The following MYT1L variants were observed in gnomAD, a reference collection of about 807,000 sequenced individuals.
MYT1L encodes the protein myelin transcription factor 1 like.
A neutral mutation model predicts 126.7 loss-of-function variants in MYT1L; 12 were observed. The observed-to-expected ratio is 0.09, with a 90% CI of 0.06 to 0.15. The LOEUF is 0.15. MYT1L is among the 10% of genes least tolerant of loss of function. MYT1L has a pLI of 1.00. For missense variants in MYT1L, 979 were observed against 1,585.2 expected, an observed-to-expected ratio of 0.62 and a Z score of 6.49; for synonymous variants, 541 against 604.2, an observed-to-expected ratio of 0.90 and a Z score of 1.53.
chr2:2,161,269 T>C (rs767361143), intron 3 of MYT1L, among the ~76,000 whole-genome samples: 5 of 152,170 alleles, frequency 3.3e-5, no homozygotes, highest in Non-Finnish European at 5.9e-5. Context: ...TGAGACCATA[T>C]GGGAAATGTG....
chr2:2,089,806 C>T (rs920391868), intron 3 of MYT1L, among the ~76,000 whole-genome samples: 4 of 152,170 alleles, frequency 2.6e-5, no homozygotes, highest in African/African-American at 9.7e-5. Flanking sequence ...TCTCTCCCCT[C>T]TCTATCTCCT....
intron 22 of MYT1L, among the ~76,000 whole-genome samples, chr2:1,805,652 G>A (rs573471296): frequency 2.0e-5 from 3 of 152,302 alleles, no homozygotes; most frequent in Admixed American, 6.5e-5. Flanking sequence ...TTGGGAGGCC[G>A]AGGGAGGTGG....
intron 2 of MYT1L, among the ~76,000 whole-genome samples, chr2:2,274,552 T>C (rs1559521450): frequency 6.6e-6 from 1 of 152,178 alleles, no homozygotes; most frequent in Non-Finnish European, 1.5e-5. Flanking sequence ...TGGAAGATTT[T>C]GTTTCAGGAG....
intron 1 of MYT1L, among the ~76,000 whole-genome samples, chr2:2,309,180 C>T (rs141306149): frequency 2.1e-3 from 315 of 151,970 alleles, no homozygotes; most frequent in African/African-American, 7.0e-3. Flanking sequence ...CCATACTCCA[C>T]CTACACTTAG....
At chr2:2,311,837 A>C (rs2149608828) in intron 1 of MYT1L, among the ~76,000 whole-genome samples, 1 of 152,314 alleles carries the variant, frequency 6.6e-6, no homozygotes, top group Non-Finnish European at 1.5e-5. Context: ...CTGGAACATA[A>C]ATGAGGTAGT....
intron 19 of MYT1L, among the ~76,000 whole-genome samples, chr2:1,845,312 C>T (rs554190308): frequency 4.6e-5 from 7 of 152,160 alleles, no homozygotes; most frequent in South Asian, 2.1e-4. Context: ...GTTTTCTTTT[C>T]GTGAATGAGT....
At chr2:1,896,521 T>G (rs1450453522) in intron 14 of MYT1L, among the ~76,000 whole-genome samples, 1 of 152,206 alleles carries the variant, frequency 6.6e-6, no homozygotes, top group Non-Finnish European at 1.5e-5. Context: ...CAATAAAGTC[T>G]AAAGTCATGT....
intron 2 of MYT1L, among the ~76,000 whole-genome samples, chr2:2,212,335 G>A (rs1158048928): frequency 1.3e-5 from 2 of 151,306 alleles, no homozygotes. Context: ...AGATTGGGTG[G>A]TGCCTAGCTG....
intron 1 of MYT1L, among the ~76,000 whole-genome samples, chr2:2,316,089 AG>A: frequency 6.6e-6 from 1 of 152,312 alleles, no homozygotes; most frequent in East Asian, 1.9e-4. Context: ...TGACCTGGAA[AG>A]GCTCCTTTGA....
In MYT1L at chr2:1,793,646, C is replaced by G. The variant is rs1279312142; in HGVS notation, c.3277-1182G>C. Among the ~76,000 whole-genome samples, 2 of 152,178 alleles carry G rather than the reference C, an allele frequency of 1.3e-5. No homozygotes were observed. On this transcript the variant is annotated intron_variant, in intron 23 of 24. Coordinates refer to ENST00000647738, the MANE Select transcript of MYT1L (RefSeq NM_001303052.2). This position sits in a 1 kb window ranked among gnomAD's most constrained non-coding sequence, Gnocchi z 4.6. ...GAAAACTGAAGCACCTCAGAGGCGC[C>G]CTCCAGGATGAAGTGGGGAGGGCCG...
At chr2:2,068,817 T>C (rs994357829) in intron 3 of MYT1L, among the ~76,000 whole-genome samples, 1 of 138,218 alleles carries the variant, frequency 7.2e-6, no homozygotes, top group African/African-American at 2.7e-5. Context: ...TAAGTTCAAG[T>C]ATGTGGAGGA....
intron 3 of MYT1L, among the ~76,000 whole-genome samples, chr2:2,165,352 A>G (rs1278504415): frequency 6.6e-6 from 1 of 151,900 alleles, no homozygotes; most frequent in Non-Finnish European, 1.5e-5. Context: ...ACACACACAC[A>G]CGTGCACACA....
intron 3 of MYT1L, among the ~76,000 whole-genome samples, chr2:2,121,911 C>T (rs1443361128): frequency 2.0e-5 from 3 of 152,180 alleles, no homozygotes; most frequent in African/African-American, 7.2e-5. Context: ...TTGTTTCTGC[C>T]ACATGAGACC....
chr2:1,921,230 A>G (rs1281561324), intron 10 of MYT1L, among the ~76,000 whole-genome samples: 2 of 152,222 alleles, frequency 1.3e-5, no homozygotes, highest in Admixed American at 6.5e-5. Context: ...GCTAACATAG[A>G]GGGATTTAAT....
At chr2:1,822,984 G>T (rs955240954) in intron 21 of MYT1L, among the ~76,000 whole-genome samples, 12 of 152,206 alleles carry the variant, frequency 7.9e-5, no homozygotes, top group African/African-American at 2.9e-4. Flanking sequence ...GCTGTGGCTT[G>T]GCTGTGTCTC....
chr2:1,972,548 A>G (rs1434598818), intron 8 of MYT1L, among the ~76,000 whole-genome samples: 2 of 152,170 alleles, frequency 1.3e-5, no homozygotes, highest in Non-Finnish European at 2.9e-5. Flanking sequence ...CACATCTCTC[A>G]GCCAGCACCT....
chr2:1,874,078 C>CA (rs1322337056), intron 18 of MYT1L, among the ~76,000 whole-genome samples: 4 of 151,760 alleles, frequency 2.6e-5, no homozygotes, highest in Non-Finnish European at 5.9e-5. Flanking sequence ...AGCCAGGACA[C>CA]AGATCCAGGG....
intron 21 of MYT1L, among the ~76,000 whole-genome samples, chr2:1,837,003 C>G (rs1186789582): frequency 1.3e-5 from 2 of 152,188 alleles, no homozygotes; most frequent in Non-Finnish European, 2.9e-5. Flanking sequence ...GAGGGTCTAG[C>G]AGCAGAAATT....
At chr2:1,894,830 C>A (rs2148897591) in intron 14 of MYT1L, among the ~76,000 whole-genome samples, 1 of 152,244 alleles carries the variant, frequency 6.6e-6, no homozygotes, top group East Asian at 1.9e-4. Flanking sequence ...TCGTCATGAG[C>A]CCCTCTCACA....
Sources: gnomAD v4.1 joint callset for allele counts (sites outside exome capture counted in the v4.1 genomes callset) on GRCh38, gnomAD v4.1.1 for gene constraint, Gnocchi (gnomAD v3.1) non-coding constraint, MANE v1.5 for transcripts, NCBI Gene and HGNC (gene_info 2026-07-23, HGNC 2026-07-21) for gene names.